CSMD1: variants seen among roughly 807,000 people sequenced by gnomAD.
The protein encoded by CSMD1 is CUB and sushi domain-containing protein 1.
In CSMD1, 213 loss-of-function variants were observed where a neutral mutation model predicts 417.5. That is an observed-to-expected ratio of 0.51 (90% CI 0.46 to 0.57). The LOEUF is 0.57. Among genes scored for constraint, CSMD1 ranks in the 20% least tolerant of loss-of-function variants. The pLI is 0.00. For missense variants in CSMD1, 6,923 were observed against 4,529.7 expected (o/e 1.53, Z -15.17); for synonymous variants, 2,862 against 1,736.8 (o/e 1.65, Z -16.11).
intron 5 of CSMD1, among the ~76,000 whole-genome samples, chr8:3,804,515 A>C (rs1341256235): frequency 6.6e-6 from 1 of 152,224 alleles, no homozygotes; most frequent in African/African-American, 2.4e-5. Context: ...AATAGCTATA[A>C]AACATTTACG....
chr8:4,053,604 T>A (rs918835344), intron 3 of CSMD1, among the ~76,000 whole-genome samples: 1 of 152,114 alleles, frequency 6.6e-6, no homozygotes, highest in African/African-American at 2.4e-5. Context: ...ACCTCTGATC[T>A]CCTTTCTATT....
intron 26 of CSMD1, among the ~76,000 whole-genome samples, chr8:3,240,307 G>A (rs1156352807): frequency 6.6e-6 from 1 of 152,142 alleles, no homozygotes; most frequent in African/African-American, 2.4e-5. Context: ...AGTGGGGAAA[G>A]GACTTAGGAT....
At chr8:3,841,789 T>A (rs1465264428) in intron 5 of CSMD1, among the ~76,000 whole-genome samples, 1 of 152,010 alleles carries the variant, frequency 6.6e-6, no homozygotes, top group East Asian at 1.9e-4. Context: ...AATTAGTAAA[T>A]ACGTGCAAAT....
At chr8:4,021,188 T>C (rs1359962659) in intron 4 of CSMD1, among the ~76,000 whole-genome samples, 1 of 152,200 alleles carries the variant, frequency 6.6e-6, no homozygotes, top group Non-Finnish European at 1.5e-5. Flanking sequence ...CATTGCAAAA[T>C]GGCATAACTG....
At chr8:3,905,756 C>G (rs1052105747) in intron 5 of CSMD1, among the ~76,000 whole-genome samples, 1 of 152,320 alleles carries the variant, frequency 6.6e-6, no homozygotes, top group Non-Finnish European at 1.5e-5. Flanking sequence ...AAATTGGATG[C>G]TCATCACCCT....
chr8:4,000,148 G>T (rs533961788), intron 4 of CSMD1, among the ~76,000 whole-genome samples: 1 of 152,164 alleles, frequency 6.6e-6, no homozygotes, highest in East Asian at 1.9e-4. Context: ...ACACTTCCCT[G>T]GTCAACTGAG....
chr8:2,999,596 G>C (rs78692015), intron 53 of CSMD1, among the ~76,000 whole-genome samples: 8,175 of 152,196 alleles, frequency 0.054, 729 homozygotes, highest in African/African-American at 0.19. Context: ...AGCAGACCCA[G>C]ACTCTGCACC....
At chr8:4,712,300 T>G (rs868359971) in intron 1 of CSMD1, among the ~76,000 whole-genome samples, 2 of 152,190 alleles carry the variant, frequency 1.3e-5, no homozygotes, top group South Asian at 4.1e-4. Flanking sequence ...GTGTGGGAGA[T>G]GTAATTTAAT....
chr8:3,517,923 C>T (rs548941629), intron 10 of CSMD1, among the ~76,000 whole-genome samples: 1 of 152,164 alleles, frequency 6.6e-6, no homozygotes, highest in African/African-American at 2.4e-5. Context: ...CCTCCTTCCA[C>T]AGTTAATAGC....
At chr8:4,572,778 TCA>T (rs1798949135) in intron 2 of CSMD1, among the ~76,000 whole-genome samples, 1 of 152,222 alleles carries the variant, frequency 6.6e-6, no homozygotes, top group Non-Finnish European at 1.5e-5. Flanking sequence ...TTTGGTATTT[TCA>T]CACAGTCCCA....
At chr8:4,982,117 G>T (rs553590692) in intron 1 of CSMD1, among the ~76,000 whole-genome samples, 2 of 152,202 alleles carry the variant, frequency 1.3e-5, no homozygotes, top group African/African-American at 4.8e-5. Flanking sequence ...TGAAGTCCCA[G>T]CCAACACTTG....
chr8:3,992,664 C>G (rs1344311881), intron 5 of CSMD1, among the ~76,000 whole-genome samples: 2 of 152,038 alleles, frequency 1.3e-5, no homozygotes, highest in African/African-American at 4.8e-5. Flanking sequence ...ACCTGTAGTC[C>G]CAGATACAAG....
intron 1 of CSMD1, among the ~76,000 whole-genome samples, chr8:4,948,872 G>A (rs188329233): frequency 6.6e-6 from 1 of 151,978 alleles, no homozygotes; most frequent in African/African-American, 2.4e-5. Context: ...TTTTCATTCC[G>A]ATTTTAGATA....
In CSMD1 at chr8:3,883,238, T is replaced by C. The variant is rs77334969; in HGVS notation, c.818+114665A>G. 7.2e-3 allele frequency among the ~76,000 whole-genome samples: 1,099 copies of C among 152,308 alleles called. 14 individuals are homozygous for C. Among genetic ancestry groups the C allele is most frequent in the African/African-American group, 0.025 (1,044 of 41,564 alleles). ...GTCCTTGAATGATTCATTTGACCTGTAATTTTCCTCATATTAAATATTGAG... is the reference window on the plus strand; with the variant it reads ...GTCCTTGAATGATTCATTTGACCTGCAATTTTCCTCATATTAAATATTGAG... On this transcript the variant is annotated intron_variant, in intron 5 of 69. Coordinates refer to ENST00000635120, the MANE Select transcript of CSMD1 (RefSeq NM_033225.6).
intron 11 of CSMD1, among the ~76,000 whole-genome samples, chr8:3,475,385 C>A (rs7005050): frequency 2.0e-5 from 3 of 151,926 alleles, no homozygotes; most frequent in African/African-American, 7.3e-5. Context: ...TATAAATTAA[C>A]CTACACTGTA....
intron 5 of CSMD1, among the ~76,000 whole-genome samples, chr8:3,755,996 A>G (rs1797634335): frequency 6.6e-6 from 1 of 152,080 alleles, no homozygotes. Flanking sequence ...GAATGTCTAA[A>G]AAACTAGATT....
At chr8:3,971,975 T>C (rs1377359313) in intron 5 of CSMD1, among the ~76,000 whole-genome samples, 1 of 152,068 alleles carries the variant, frequency 6.6e-6, no homozygotes, top group African/African-American at 2.4e-5. Flanking sequence ...TGGGTGATCC[T>C]GGCTCACTGC....
At chr8:4,259,836 G>T (rs1055108781) in intron 3 of CSMD1, among the ~76,000 whole-genome samples, 2 of 152,022 alleles carry the variant, frequency 1.3e-5, no homozygotes, top group Non-Finnish European at 2.9e-5. Context: ...TCATAATATT[G>T]TTTTGGAATT....
chr8:2,989,180 A>G (rs886593637), intron 54 of CSMD1, among the ~76,000 whole-genome samples: 8 of 152,196 alleles, frequency 5.3e-5, no homozygotes, highest in African/African-American at 1.9e-4. Context: ...ATCCCTGGCA[A>G]TTTTGTTCAG....
Sources: gnomAD v4.1 joint callset for allele counts (sites outside exome capture counted in the v4.1 genomes callset) on GRCh38, gnomAD v4.1.1 for gene constraint, MANE v1.5 for transcripts, NCBI Gene and HGNC (gene_info 2026-07-23, HGNC 2026-07-21) for gene names.